Variants in DOCK10 observed in about 807,000 individuals in gnomAD.
DOCK10 encodes dedicator of cytokinesis 10, also known as dedicator of cytokinesis protein 10.
Under a neutral mutation model 280.1 loss-of-function variants are expected in DOCK10, and 145 were observed. The observed-to-expected ratio is 0.52, with a 90% CI of 0.45 to 0.59. DOCK10 has a LOEUF of 0.59. Among genes scored for constraint, DOCK10 ranks in the 20% least tolerant of loss-of-function variants. The probability of loss-of-function intolerance (pLI) is 0.00; values close to 1 mark genes in which losing one functional copy is unlikely to be tolerated. For missense variants in DOCK10, 2,368 were observed against 2,651.7 expected (o/e 0.89, Z 2.35); for synonymous variants, 915 against 942.2 (o/e 0.97, Z 0.53).
At chr2:224,961,311 GAGCTCCAATTCCCA>G (rs1416598740) in intron 1 of DOCK10, among the ~76,000 whole-genome samples, 2 of 152,118 alleles carry the variant, frequency 1.3e-5, no homozygotes, top group African/African-American at 4.8e-5. Context: ...GAATTCCTCA[GAGCTCCAATTCCCA>G]TTGTGCAACA....
chr2:224,888,595 ATATG>A (rs572768068), intron 4 of DOCK10, among the ~76,000 whole-genome samples: 14 of 151,700 alleles, frequency 9.2e-5, no homozygotes, highest in Middle Eastern at 3.4e-3. Flanking sequence ...GTGTGAATAT[ATATG>A]TGTTTGTATG....
At chr2:224,905,414 A>AT (rs1190482948) in intron 3 of DOCK10, among the ~76,000 whole-genome samples, 9 of 151,090 alleles carry the variant, frequency 6.0e-5, no homozygotes, top group African/African-American at 1.7e-4. Context: ...CGCCCGGCTA[A>AT]TTTTTTTTGT....
intron 1 of DOCK10, among the ~76,000 whole-genome samples, chr2:224,957,019 G>C (rs566397683): frequency 6.6e-6 from 1 of 152,216 alleles, no homozygotes; most frequent in East Asian, 1.9e-4. Context: ...TCTAAATCAG[G>C]GTTTCTTAAA....
chr2:224,766,745 C>G (rs1690099222), intron 55 of DOCK10, among the ~76,000 whole-genome samples: 1 of 152,206 alleles, frequency 6.6e-6, no homozygotes, highest in Admixed American at 6.5e-5. Flanking sequence ...GCATCTTATA[C>G]TGATGCTTAA....
At chr2:224,776,034 C>T (rs1327839757) in intron 51 of DOCK10, among the ~76,000 whole-genome samples, 4 of 149,402 alleles carry the variant, frequency 2.7e-5, no homozygotes, top group Non-Finnish European at 4.4e-5. Flanking sequence ...TTTAAACAAA[C>T]TGCTTTGGTG....
chr2:224,916,137 T>G (rs1701297881), intron 3 of DOCK10, among the ~76,000 whole-genome samples: 1 of 152,264 alleles, frequency 6.6e-6, no homozygotes, highest in African/African-American at 2.4e-5. Context: ...GGCTCATGCC[T>G]GTAATCCCAG....
intron 1 of DOCK10, among the ~76,000 whole-genome samples, chr2:224,945,491 C>A (rs746668604): frequency 6.6e-6 from 1 of 152,068 alleles, no homozygotes; most frequent in Non-Finnish European, 1.5e-5. Context: ...CAATGGCAGA[C>A]ACACACTCCT....
At chr2:224,857,059 T>C in intron 14 of DOCK10, 77 bp from the exon 15 acceptor site, 1 of 1,200,034 alleles carries the variant, frequency 8.3e-7, no homozygotes, top group Non-Finnish European at 1.1e-6. Flanking sequence ...CTATATTAAT[T>C]AAACTTCTCA....
At chr2:225,030,328 C>T (rs1690043087) in intron 1 of DOCK10, among the ~76,000 whole-genome samples, 1 of 152,062 alleles carries the variant, frequency 6.6e-6, no homozygotes, top group Non-Finnish European at 1.5e-5. Flanking sequence ...GCGAAAATAG[C>T]ATTCACATAA....
chr2:224,822,230 TG>T (rs1383872654), intron 28 of DOCK10, among the ~76,000 whole-genome samples: 2 of 152,236 alleles, frequency 1.3e-5, no homozygotes, highest in African/African-American at 4.8e-5. Context: ...TCTTTCTAAT[TG>T]CTTGCATTAT....
chr2:224,916,604 T>C, intron 3 of DOCK10, 91 bp downstream of exon 3: 1 of 803,432 alleles, frequency 1.2e-6, no homozygotes, highest in Non-Finnish European at 1.9e-6. Context: ...CTATTGAAAA[T>C]GACAGGAAGA....
intron 48 of DOCK10, 125 bp from the exon 49 acceptor site, chr2:224,787,522 A>T: frequency 3.3e-6 from 4 of 1,208,598 alleles, no homozygotes; most frequent in Non-Finnish European, 4.7e-6. Context: ...AAAACCCAGC[A>T]GGGGATCGTG....
At position 224,765,668 on chromosome 2, in the gene DOCK10, T is replaced by G. The variant is rs1690041774; in HGVS notation, c.*53A>C. On this transcript the variant is annotated 3_prime_UTR_variant, in exon 56 of 56. Coordinates refer to ENST00000258390, the MANE Select transcript of DOCK10 (RefSeq NM_014689.3). The stretch of plus-strand genomic sequence containing the variant: ...AACCTATCTTTCTCTTCCCCGAGAT[T>G]AGCTGCAAATTCAGAAAGTTCTCTT... 1 of 1,250,456 alleles carries G rather than the reference T, an allele frequency of 8.0e-7. No individual in the cohort carries two copies. Among genetic ancestry groups the G allele is most frequent in the Admixed American group, 1.9e-5 (1 of 52,046 alleles). The allele number at this position is 1,250,456 out of a possible 1,614,324, so 77.5% of individuals were successfully genotyped here.
intron 1 of DOCK10, among the ~76,000 whole-genome samples, chr2:224,963,018 A>C (rs1339149110): frequency 6.6e-6 from 1 of 152,032 alleles, no homozygotes; most frequent in Non-Finnish European, 1.5e-5. Context: ...TTTTTTTTGA[A>C]AAATTCGAGA....
intron 40 of DOCK10, 45 bp from the exon 41 acceptor site, chr2:224,800,308 C>T: frequency 8.6e-7 from 1 of 1,167,050 alleles, no homozygotes; most frequent in South Asian, 1.4e-5. Context: ...TAAGACAATG[C>T]TTTGTACCCT....
chr2:224,774,258 C>A (rs1024544673), intron 52 of DOCK10, among the ~76,000 whole-genome samples: 4 of 152,180 alleles, frequency 2.6e-5, no homozygotes, highest in African/African-American at 9.7e-5. Context: ...CCACTGGGTG[C>A]TCTTGTTTCA....
chr2:224,774,792 T>C lies in DOCK10; in HGVS notation c.6013+113A>G. The C allele has an allele frequency of 9.7e-6, 9 of 927,232 alleles. No homozygotes were observed. In the South Asian group the frequency reaches 1.2e-4, roughly 13 times the overall value. The allele number at this position is 927,232 out of a possible 1,614,324, so 57.4% of individuals were successfully genotyped here. ...GCAAACATTTCCCAGTTAGCACATG[T>C]TGGGTACTTCTCTGCAGGACTGAAA... On this transcript the variant is annotated intron_variant, in intron 52 of 55. Coordinates refer to ENST00000258390, the MANE Select transcript of DOCK10 (RefSeq NM_014689.3).
At chr2:224,874,173 C>A in intron 10 of DOCK10, 22 bp from the exon 11 acceptor site, 1 of 1,578,390 alleles carries the variant, frequency 6.3e-7, no homozygotes, top group South Asian at 1.2e-5. Context: ...TTGAATGAGT[C>A]ACCAAACATC....
chr2:224,946,888 C>T, intron 1 of DOCK10: 1 of 1,547,144 alleles, frequency 6.5e-7, no homozygotes, highest in Non-Finnish European at 8.7e-7. Context: ...ACTCTCCTCA[C>T]AGTTCGTCTC....
Sources: gnomAD v4.1 joint callset for allele counts (sites outside exome capture counted in the v4.1 genomes callset) on GRCh38, gnomAD v4.1.1 for gene constraint, MANE v1.5 for transcripts, NCBI Gene and HGNC (gene_info 2026-07-23, HGNC 2026-07-21) for gene names.